Variants in TFPT observed in about 807,000 individuals in gnomAD.
TFPT encodes INO80 complex subunit F.
TFPT carries 27 observed loss-of-function variants against 28.8 expected under a neutral mutation model. The ratio of observed to expected loss-of-function variants is 0.94; its 90% confidence interval spans 0.69 to 1.29. The LOEUF is 1.29. Among genes scored for constraint, TFPT ranks in the 50% most tolerant of loss-of-function variants. TFPT has a pLI of 0.00. For synonymous variants in TFPT, 152 were observed against 142.8 expected (o/e 1.06, Z -0.46); for missense variants, 330 against 338.0 (o/e 0.98, Z 0.19).
chr19:54,112,874 C>A lies in TFPT; in HGVS notation c.282+1568G>T, dbSNP rs369913547. On this transcript the variant is annotated intron_variant, in intron 2 of 5. Transcript: ENST00000391759. The stretch of plus-strand genomic sequence containing the variant: ...TTGGGAGGCTGAGGTGGGCAGATCA[C>A]CTGAGGTCAGGAGTTTGAGACCAGC... 2.4e-4 allele frequency among the ~76,000 whole-genome samples: 36 copies of A among 152,102 alleles called. No homozygotes were observed. The East Asian group carries it at 5.0e-3, about 21-fold the overall frequency.
Position 54,114,578 on chromosome 19 carries a change from GAC to G in TFPT, c.144_145del (p.Ser49ArgfsTer13). The G allele has an allele frequency of 6.2e-7, 1 of 1,614,104 alleles. No individual in the cohort carries two copies. Among genetic ancestry groups the G allele is most frequent in the Non-Finnish European group, 8.5e-7 (1 of 1,180,018 alleles). ...GAGCCCTGAGCCGCCCAGACCACCTGACACAAACTCCACTTCCGTCTCCAGCT... is the reference window on the plus strand; with the variant it reads ...GAGCCCTGAGCCGCCCAGACCACCTGACAAACTCCACTTCCGTCTCCAGCT... On this transcript the variant is annotated frameshift_variant, in exon 2 of 6. Coordinates refer to ENST00000391759, the MANE Select transcript of TFPT (RefSeq NM_013342.4). LOFTEE classifies it high-confidence loss of function.
chr19:54,115,228 CA>C lies in TFPT; in HGVS notation c.23+18del. ...GTTTTCTGGGATTCGCACTTTTTCA[CA>C]AGGGCTCAGCCACATACCCTTCTCT... On this transcript the variant is annotated intron_variant, in intron 1 of 5. Coordinates refer to ENST00000391759, the MANE Select transcript of TFPT (RefSeq NM_013342.4). The C allele has an allele frequency of 6.2e-7, 1 of 1,614,152 alleles. No individual in the cohort carries two copies. Among genetic ancestry groups the C allele is most frequent in the Non-Finnish European group, 8.5e-7 (1 of 1,180,034 alleles).
chr19:54,108,758 GA>G (rs2073359227), intron 3 of TFPT: 1 of 747,116 alleles, frequency 1.3e-6, no homozygotes, highest in Non-Finnish European at 2.1e-6. Context: ...TAACTGAAGA[GA>G]GGGGAGTACA....
intron 2 of TFPT, among the ~76,000 whole-genome samples, chr19:54,112,097 C>A (rs2073472557): frequency 6.6e-6 from 1 of 151,998 alleles, no homozygotes; most frequent in African/African-American, 2.4e-5. Flanking sequence ...GAGACCCCAA[C>A]ACTCAAAAAC....
intron 3 of TFPT, 25 bp from the exon 4 acceptor site, chr19:54,108,420 C>A (rs368515657): frequency 6.2e-7 from 1 of 1,614,056 alleles, no homozygotes; most frequent in South Asian, 1.1e-5. Flanking sequence ...AAGCCACCAA[C>A]GGAATAACTT....
intron 3 of TFPT, 139 bp from the exon 4 acceptor site, chr19:54,108,534 G>A (rs765001671): frequency 2.5e-6 from 4 of 1,611,654 alleles, no homozygotes; most frequent in Non-Finnish European, 2.5e-6. Flanking sequence ...CTCTGGCACT[G>A]GAGGCCTGGG....
In TFPT at chr19:54,115,261, C is replaced by T; in HGVS notation, c.9G>A (p.Leu3=). 1 of 1,614,138 alleles carries T rather than the reference C, an allele frequency of 6.2e-7. No homozygotes were observed. Among genetic ancestry groups the T allele is most frequent in the Non-Finnish European group, 8.5e-7 (1 of 1,180,040 alleles). Residue 3 remains leucine, a synonymous_variant, in exon 1 of 6, where the codon TTG becomes TTA. Transcript: ENST00000391759. ...CAGCCACATACCCTTCTCTCTGCTC[C>T]AATTCCATCTCCGCGACCTCCGGAA... ME[L]EQREGTMAAV... is the part of the protein sequence containing the mutation.
intron 2 of TFPT, among the ~76,000 whole-genome samples, chr19:54,114,192 C>A (rs1167607762): frequency 6.6e-6 from 1 of 152,218 alleles, no homozygotes; most frequent in African/African-American, 2.4e-5. Context: ...CGGTGCCACG[C>A]ATTGAGAGGC....
chr19:54,109,934 C>T (rs188413593), intron 3 of TFPT, 117 bp downstream of exon 3: 83 of 1,092,424 alleles, frequency 7.6e-5, no homozygotes, highest in Middle Eastern at 2.7e-4. Context: ...CCCTCATCTC[C>T]GGCTTCTCCT....
intron 2 of TFPT, 97 bp from the exon 3 acceptor site, chr19:54,110,218 G>C: frequency 1.5e-6 from 2 of 1,317,264 alleles, no homozygotes; most frequent in Non-Finnish European, 1.1e-6. Context: ...CTGGAGACTG[G>C]CCAAAGACCA....
At position 54,115,337 on chromosome 19, in the gene TFPT, C is replaced by G. The variant is rs2073594980; in HGVS notation, c.-68G>C. The G allele has an allele frequency of 1.9e-6, 3 of 1,609,758 alleles. No individual in the cohort carries two copies. Among genetic ancestry groups the G allele is most frequent in the Admixed American group, 1.7e-5 (1 of 60,004 alleles). On this transcript the variant is annotated 5_prime_UTR_variant, in exon 1 of 6. Coordinates refer to ENST00000391759, the MANE Select transcript of TFPT (RefSeq NM_013342.4). The stretch of plus-strand genomic sequence containing the variant: ...TCTTCAATCTGTAGGTTAAGCCGTT[C>G]GCAAAACTACTTGTCCCATCAGGCT...
chr19:54,115,202 T>A (rs747858114), intron 1 of TFPT, 45 bp downstream of exon 1: 41 of 1,614,000 alleles, frequency 2.5e-5, no homozygotes, highest in Non-Finnish European at 3.5e-5. Context: ...GCAGCTGCAC[T>A]GTTTTCTGGG....
chr19:54,108,449 A>G (rs753445284), intron 3 of TFPT, 54 bp from the exon 4 acceptor site: 11 of 1,613,680 alleles, frequency 6.8e-6, no homozygotes, highest in Non-Finnish European at 8.5e-7. Flanking sequence ...GCGGCTGGGG[A>G]AAAGGGCCAC....
intron 2 of TFPT, among the ~76,000 whole-genome samples, chr19:54,113,470 T>G (rs1334368970): frequency 6.6e-6 from 1 of 152,152 alleles, no homozygotes; most frequent in African/African-American, 2.4e-5. Context: ...GACAGGAATT[T>G]CTGTGCTTGA....
chr19:54,109,206 C>G (rs11667084), intron 3 of TFPT: 1 of 154,864 alleles, frequency 6.5e-6, no homozygotes, highest in East Asian at 1.9e-4. Flanking sequence ...CCTATTTCAA[C>G]TTAAGTGAAA....
intron 5 of TFPT, 22 bp downstream of exon 5, chr19:54,108,004 C>G (rs1356108447): frequency 6.6e-7 from 1 of 1,515,302 alleles, no homozygotes; most frequent in East Asian, 2.3e-5. Context: ...AGTCCCTCCC[C>G]TTGAGTTCCC....
chr19:54,108,439 G>T (rs59415146), intron 3 of TFPT, 44 bp from the exon 4 acceptor site: 1 of 1,613,884 alleles, frequency 6.2e-7, no homozygotes. Flanking sequence ...TTATCTCCTA[G>T]CGGCTGGGGA....
In TFPT at chr19:54,108,473, G is replaced by C. The variant is rs373375914; in HGVS notation, c.354-78C>G. 2.1e-4 allele frequency: 335 copies of C among 1,613,690 alleles called. 2 individuals carry two copies. The East Asian group carries it at 3.1e-3, about 15-fold the overall frequency. ...GAAAAGGGCCACAGGATAGAGCTCA[G>C]CTCCCACTCCACTCAACGCCAAAGC... On this transcript the variant is annotated intron_variant, in intron 3 of 5. Coordinates refer to ENST00000391759, the MANE Select transcript of TFPT (RefSeq NM_013342.4).
At chr19:54,107,557 A>C (rs1336678817) in intron 5 of TFPT, 2 of 289,856 alleles carry the variant, frequency 6.9e-6, no homozygotes, top group Non-Finnish European at 1.3e-5. Context: ...CCAGCCTCAC[A>C]GTTCTTGTCT....
Sources: allele counts gnomAD v4.1 joint callset (sites outside exome capture counted in the v4.1 genomes callset), GRCh38; gene constraint gnomAD v4.1.1; transcripts MANE v1.5; gene names NCBI Gene and HGNC (gene_info 2026-07-23, HGNC 2026-07-21).